Variants in TLN2 observed in about 807,000 individuals in gnomAD.
The protein encoded by TLN2 is talin-2.
A neutral mutation model predicts 294.7 loss-of-function variants in TLN2; 118 were observed. The observed-to-expected ratio is 0.40, with a 90% CI of 0.34 to 0.47. The LOEUF (loss-of-function observed/expected upper bound fraction) is 0.47. Among genes scored for constraint, TLN2 ranks in the 20% least tolerant of loss-of-function variants. TLN2 has a pLI of 0.84. For missense variants in TLN2, 3,083 were observed against 3,282.2 expected (o/e 0.94, Z 1.48); for synonymous variants, 1,431 against 1,304.5 (o/e 1.10, Z -2.09).
chr15:62,447,709 G>T (rs748931604), intron 1 of TLN2, among the ~76,000 whole-genome samples: 13 of 151,884 alleles, frequency 8.6e-5, no homozygotes, highest in African/African-American at 1.5e-4. Context: ...TAGCCAGGAT[G>T]GTCTCGATCT....
At chr15:62,595,162 C>A (rs1027101501) in intron 2 of TLN2, among the ~76,000 whole-genome samples, 1 of 152,122 alleles carries the variant, frequency 6.6e-6, no homozygotes, top group African/African-American at 2.4e-5. Context: ...GTGGCTCACG[C>A]CTGTATCCCA....
chr15:62,399,721 A>C (rs1374334642), intron 1 of TLN2, among the ~76,000 whole-genome samples: 1 of 152,156 alleles, frequency 6.6e-6, no homozygotes, highest in African/African-American at 2.4e-5. Context: ...GAGCCCCTTT[A>C]TTTTGGCCAA....
intron 52 of TLN2, among the ~76,000 whole-genome samples, chr15:62,810,799 G>T (rs954153424): frequency 2.6e-5 from 4 of 152,184 alleles, no homozygotes; most frequent in Non-Finnish European, 5.9e-5. Flanking sequence ...TCCATAGTCA[G>T]GGACACCCCC....
chr15:62,793,641 C>G (rs2065237983), intron 46 of TLN2, among the ~76,000 whole-genome samples: 1 of 152,128 alleles, frequency 6.6e-6, no homozygotes, highest in African/African-American at 2.4e-5. Context: ...AATGTTTCTT[C>G]ATTCCCAAGT....
rs531018165 is a variant in TLN2 at position 62,526,881 on chromosome 15, A to G, written c.-237-62806A>G. Among the ~76,000 whole-genome samples the G allele has an allele frequency of 2.6e-5, 4 of 152,340 alleles. No homozygotes were observed. In the East Asian group the frequency reaches 7.7e-4, roughly 29 times the overall value. On this transcript the variant is annotated intron_variant, in intron 1 of 58. Coordinates refer to ENST00000636159, the MANE Select transcript of TLN2 (RefSeq NM_015059.3). ...ACAAGCCATGAATACTTGGAAAGTG[A>G]AGTACTAGCATTCACAAAAGTGAGG...
chr15:62,492,638 A>C (rs1045107489), intron 1 of TLN2, among the ~76,000 whole-genome samples: 3 of 151,710 alleles, frequency 2.0e-5, no homozygotes, highest in African/African-American at 7.3e-5. Context: ...ATTTTGCCCT[A>C]TGTCAGTTTC....
chr15:62,548,385 C>T lies in TLN2; in HGVS notation c.-237-41302C>T, dbSNP rs145781598. On this transcript the variant is annotated intron_variant, in intron 1 of 58. Coordinates refer to ENST00000636159, the MANE Select transcript of TLN2 (RefSeq NM_015059.3). ...AGTAGGAGTGGGGTAGACATCATAA[C>T]GCTTTGGATGACAGAAACCCCAAAT... 2.7e-3 allele frequency among the ~76,000 whole-genome samples: 407 copies of T among 152,264 alleles called. 2 individuals are homozygous for T. Among genetic ancestry groups the T allele is most frequent in the South Asian group, 4.8e-3 (23 of 4,830 alleles).
chr15:62,808,806 A>G (rs755983930), intron 51 of TLN2, among the ~76,000 whole-genome samples: 6 of 152,220 alleles, frequency 3.9e-5, no homozygotes, highest in Non-Finnish European at 8.8e-5. Context: ...CTCCGAGCCC[A>G]TTAGTCCTCA....
intron 57 of TLN2, among the ~76,000 whole-genome samples, chr15:62,836,533 A>T (rs2069623770): frequency 6.6e-6 from 1 of 152,150 alleles, no homozygotes; most frequent in Non-Finnish European, 1.5e-5. Context: ...ATACGTTACT[A>T]ACTCGGTGCC....
intron 2 of TLN2, among the ~76,000 whole-genome samples, chr15:62,609,268 A>G (rs1036815180): frequency 1.3e-5 from 2 of 152,242 alleles, no homozygotes; most frequent in Non-Finnish European, 2.9e-5. Context: ...CTAATGCACA[A>G]TCACCCACCA....
intron 14 of TLN2, 81 bp downstream of exon 14, chr15:62,694,473 T>G: frequency 8.6e-7 from 1 of 1,163,694 alleles, no homozygotes. Flanking sequence ...AGCCTGCTGC[T>G]CTGAAGCCTG....
At chr15:62,783,667 A>G in intron 44 of TLN2, 104 bp from the exon 45 acceptor site, 4 of 1,460,276 alleles carry the variant, frequency 2.7e-6, no homozygotes, top group Non-Finnish European at 3.6e-6. Context: ...TTAAAAGTGA[A>G]TGAAACCCTT....
intron 9 of TLN2, among the ~76,000 whole-genome samples, chr15:62,668,854 C>G (rs1344960092): frequency 6.6e-6 from 1 of 152,168 alleles, no homozygotes; most frequent in African/African-American, 2.4e-5. Flanking sequence ...TGTAGAAACT[C>G]TCTCTCAACC....
chr15:62,793,474 C>T (rs909887695), intron 46 of TLN2, among the ~76,000 whole-genome samples: 1 of 152,204 alleles, frequency 6.6e-6, no homozygotes, highest in African/African-American at 2.4e-5. Flanking sequence ...ACTGATAGAA[C>T]TGCAAAGATT....
chr15:62,741,970 TCTCATGGTA>T (rs1486791125), intron 32 of TLN2, among the ~76,000 whole-genome samples: 1 of 145,268 alleles, frequency 6.9e-6, no homozygotes, highest in Non-Finnish European at 1.5e-5. Flanking sequence ...GCACATAAGA[TCTCATGGTA>T]CTCATGGTCC....
At chr15:62,822,419 CGTT>C (rs1301650176) in intron 54 of TLN2, among the ~76,000 whole-genome samples, 19 of 152,322 alleles carry the variant, frequency 1.2e-4, no homozygotes, top group African/African-American at 4.6e-4. Flanking sequence ...AGGAAGCTCG[CGTT>C]GTTCAGCTGC....
intron 37 of TLN2, among the ~76,000 whole-genome samples, chr15:62,758,894 A>C (rs947521130): frequency 5.3e-5 from 8 of 152,194 alleles, no homozygotes; most frequent in African/African-American, 1.7e-4. Context: ...TGTCTGGAGA[A>C]TTGGGAGTTT....
intron 33 of TLN2, 106 bp downstream of exon 33, chr15:62,748,550 C>T: frequency 2.2e-6 from 2 of 904,180 alleles, no homozygotes; most frequent in Admixed American, 2.2e-5. Context: ...CCCTATAGGG[C>T]TAGTTTTCTC....
In TLN2 at chr15:62,697,852, G is replaced by A. The variant is rs1212342230; in HGVS notation, c.1457G>A (p.Gly486Asp). The change falls in exon 15 of 59, where the codon GGC becomes GAC. Residue 486 changes from glycine (G) to aspartate (D), a missense_variant. Coordinates refer to ENST00000636159, the MANE Select transcript of TLN2 (RefSeq NM_015059.3). ...GTCATGGTTGGGCAGATGCACCGAGGCCACATGCCGCCACTGGTGAGGCTT... is the reference window on the plus strand; with the variant it reads ...GTCATGGTTGGGCAGATGCACCGAGACCACATGCCGCCACTGGTGAGGCTT... ...QQVMVGQMHR[G>D]HMPPLTSAQQ... 6 of 1,612,036 alleles carry A rather than the reference G, an allele frequency of 3.7e-6. No individual in the cohort carries two copies. The highest frequency in any genetic ancestry group is 3.3e-5 in the Admixed American group (2 of 59,978).
Sources: gnomAD v4.1 joint callset for allele counts (sites outside exome capture counted in the v4.1 genomes callset) on GRCh38, gnomAD v4.1.1 for gene constraint, MANE v1.5 for transcripts, NCBI Gene and HGNC (gene_info 2026-07-23, HGNC 2026-07-21) for gene names.